CTTNBP2NL: variants seen among roughly 807,000 people sequenced by gnomAD.
CTTNBP2NL encodes the protein CTTNBP2 N-terminal like.
Under a neutral mutation model 32.5 loss-of-function variants are expected in CTTNBP2NL, and 16 were observed. The ratio of observed to expected loss-of-function variants is 0.49; its 90% confidence interval spans 0.33 to 0.75. The LOEUF (loss-of-function observed/expected upper bound fraction) is 0.75, where lower values mean the gene tolerates loss of function less well. Among genes scored for constraint, CTTNBP2NL ranks in the 30% least tolerant of loss-of-function variants. The probability of loss-of-function intolerance (pLI) is 0.02; values close to 1 mark genes in which losing one functional copy is unlikely to be tolerated. For missense variants in CTTNBP2NL, 645 were observed against 756.0 expected (o/e 0.85, Z 1.72); for synonymous variants, 298 against 289.4 (o/e 1.03, Z -0.30).
Position 112,455,922 on chromosome 1 carries a change from T to C in CTTNBP2NL, c.439-9T>C. ...TGTCAGTATGTCTCTCTTTTCTTTT[T>C]TTTTCTAGTTGGAATTTGAAAAATC... is the stretch of plus-strand genomic sequence containing the variant. On this transcript the variant is annotated splice_polypyrimidine_tract_variant and intron_variant, in intron 5 of 5. Transcript: ENST00000271277. 2.5e-6 allele frequency: 4 copies of C among 1,574,024 alleles called. No individual in the cohort carries two copies. The highest frequency in any genetic ancestry group is 3.4e-6 in the Non-Finnish European group (4 of 1,163,572).
At chr1:112,418,781 G>A (rs1649140901) in intron 3 of CTTNBP2NL, among the ~76,000 whole-genome samples, 1 of 152,086 alleles carries the variant, frequency 6.6e-6, no homozygotes, top group Non-Finnish European at 1.5e-5. Flanking sequence ...ACCATAGGCT[G>A]TGATTGCTTC....
At chr1:112,394,078 C>T (rs1433319924), upstream of CTTNBP2NL, among the ~76,000 whole-genome samples, 6 of 151,874 alleles carry the variant, frequency 4.0e-5, no homozygotes, top group African/African-American at 9.7e-5. Flanking sequence ...CAGTGACAGG[C>T]GCCTATAATC....
At chr1:112,404,289 A>C (rs189994895) in intron 1 of CTTNBP2NL, among the ~76,000 whole-genome samples, 1 of 152,364 alleles carries the variant, frequency 6.6e-6, no homozygotes, top group Admixed American at 6.5e-5. Context: ...AATTTTTTTT[A>C]AGTCAGTTAT....
chr1:112,449,753 T>TGTGTGTGTGTGTGTGTGTG (rs58369949), intron 4 of CTTNBP2NL, among the ~76,000 whole-genome samples: 609 of 25,416 alleles, frequency 0.024, 4 homozygotes, highest in Middle Eastern at 0.028. Context: ...TGTGTGTGTG[T>TGTGTGTGTGTGTGTGTGTG]TTTCCATATT....
intron 1 of CTTNBP2NL, among the ~76,000 whole-genome samples, chr1:112,408,361 G>A (rs953361068): frequency 2.0e-5 from 3 of 151,184 alleles, no homozygotes; most frequent in African/African-American, 7.3e-5. Context: ...ATTTTCTAGT[G>A]GCACATTGAC....
chr1:112,430,167 CTTTCTTTTCTTTTCTTTTCT>C (rs202124796), intron 3 of CTTNBP2NL, among the ~76,000 whole-genome samples: 51 of 143,966 alleles, frequency 3.5e-4, no homozygotes, highest in East Asian at 1.0e-3. Flanking sequence ...TAGCTCTTTT[CTTTCTTTTCTTTTCTTTTCT>C]TTTCTTTTCT....
At chr1:112,430,133 A>C (rs374075080) in intron 3 of CTTNBP2NL, among the ~76,000 whole-genome samples, 1 of 152,060 alleles carries the variant, frequency 6.6e-6, no homozygotes, top group African/African-American at 2.4e-5. Flanking sequence ...ATTCAGAAAA[A>C]CATCAAACCC....
At chr1:112,430,003 A>T (rs1649512197) in intron 3 of CTTNBP2NL, among the ~76,000 whole-genome samples, 2 of 152,150 alleles carry the variant, frequency 1.3e-5, no homozygotes, top group African/African-American at 4.8e-5. Flanking sequence ...GTGGTAGAGT[A>T]CTCTAGCAGA....
chr1:112,445,447 T>G (rs1332212709), intron 3 of CTTNBP2NL, among the ~76,000 whole-genome samples: 1 of 152,192 alleles, frequency 6.6e-6, no homozygotes, highest in Non-Finnish European at 1.5e-5. Context: ...GACTGAATCA[T>G]TAAGTTGATT....
intron 3 of CTTNBP2NL, among the ~76,000 whole-genome samples, chr1:112,419,876 G>A (rs1570724440): frequency 6.6e-6 from 1 of 152,122 alleles, no homozygotes; most frequent in African/African-American, 2.4e-5. Flanking sequence ...TTAATAGATG[G>A]TTTTTAGGAA....
At chr1:112,435,142 CAA>C (rs5777114) in intron 3 of CTTNBP2NL, among the ~76,000 whole-genome samples, 1,202 of 85,918 alleles carry the variant, frequency 0.014, 18 homozygotes, top group African/African-American at 0.052. Context: ...GACTCTGTCT[CAA>C]AAAAAAAAAA....
At chr1:112,424,144 A>G (rs1649319678) in intron 3 of CTTNBP2NL, among the ~76,000 whole-genome samples, 1 of 152,084 alleles carries the variant, frequency 6.6e-6, no homozygotes. Flanking sequence ...TGTTTTTCTT[A>G]TAAGTCTCAT....
chr1:112,402,032 G>A (rs140399944), intron 1 of CTTNBP2NL, among the ~76,000 whole-genome samples: 1 of 152,188 alleles, frequency 6.6e-6, no homozygotes, highest in Non-Finnish European at 1.5e-5. Context: ...CTGACCGTGA[G>A]CTTCGGGAGC....
chr1:112,403,040 T>C (rs986396541), intron 1 of CTTNBP2NL, among the ~76,000 whole-genome samples: 1 of 152,166 alleles, frequency 6.6e-6, no homozygotes, highest in Non-Finnish European at 1.5e-5. Flanking sequence ...TTTCCCCTCT[T>C]ACCTCCCTAA....
At chr1:112,391,990 C>CAATAAATAAATAAATAGATA (rs1553221821), upstream of CTTNBP2NL, among the ~76,000 whole-genome samples, 5 of 149,094 alleles carry the variant, frequency 3.4e-5, no homozygotes, top group African/African-American at 1.3e-4. Flanking sequence ...GACCCTGTCT[C>CAATAAATAAATAAATAGATA]AATAAATAAA....
Position 112,457,735 on chromosome 1 carries a change from C to T in CTTNBP2NL, c.*323C>T, listed in dbSNP as rs571024098. On this transcript the variant is annotated 3_prime_UTR_variant, in exon 6 of 6. Coordinates refer to ENST00000271277, the MANE Select transcript of CTTNBP2NL (RefSeq NM_018704.3). ...TTGAGAACTAGAATCACTCAACACT[C>T]ATTTTGAATTATGCAGAAGTGGTTC... The T allele has an allele frequency of 4.5e-6, 1 of 224,236 alleles. No individual in the cohort carries two copies. The highest frequency in any genetic ancestry group is 8.8e-6 in the Non-Finnish European group (1 of 114,266). The allele number at this position is 224,236 out of a possible 1,614,324, so 13.9% of individuals were successfully genotyped here.
At chr1:112,398,613 A>G (rs963758487) in intron 1 of CTTNBP2NL, among the ~76,000 whole-genome samples, 1 of 152,082 alleles carries the variant, frequency 6.6e-6, no homozygotes, top group Non-Finnish European at 1.5e-5. Flanking sequence ...ATGAAATTCC[A>G]GTGTCTTAAG....
At chr1:112,439,881 A>G (rs985288693) in intron 3 of CTTNBP2NL, among the ~76,000 whole-genome samples, 2 of 152,224 alleles carry the variant, frequency 1.3e-5, no homozygotes, top group Non-Finnish European at 2.9e-5. Flanking sequence ...TGTAAAGTCT[A>G]AGTCTTAGAA....
intron 3 of CTTNBP2NL, among the ~76,000 whole-genome samples, chr1:112,445,063 G>A (rs1347281543): frequency 2.6e-5 from 4 of 152,178 alleles, no homozygotes; most frequent in Admixed American, 2.6e-4. Context: ...TTGCTGTGTG[G>A]GAAGCTGGCA....
Sources: allele counts gnomAD v4.1 joint callset (sites outside exome capture counted in the v4.1 genomes callset), GRCh38; gene constraint gnomAD v4.1.1; transcripts MANE v1.5; gene names NCBI Gene and HGNC (gene_info 2026-07-23, HGNC 2026-07-21).